The following WDR33 variants were observed in gnomAD, a reference collection of about 807,000 sequenced individuals.
WDR33 encodes the protein WD repeat domain 33.
WDR33 carries 47 observed loss-of-function variants against 164.9 expected under a neutral mutation model. The ratio of observed to expected loss-of-function variants is 0.29; its 90% confidence interval spans 0.23 to 0.36. WDR33 has a LOEUF of 0.36. Among genes scored for constraint, WDR33 ranks in the 10% least tolerant of loss-of-function variants. The pLI, the probability that WDR33 is intolerant of heterozygous loss-of-function variation, is 1.00. For synonymous variants in WDR33, 505 were observed against 589.0 expected, an observed-to-expected ratio of 0.86 and a Z score of 2.06; for missense variants, 1,137 against 1,754.1, an observed-to-expected ratio of 0.65 and a Z score of 6.28.
In WDR33 at chr2:127,701,981, A is replaced by AGCGCTGGGCGCCACGCTGTTCGCC. The variant is rs1316252166; in HGVS notation, c.*4318_*4341dup. On this transcript the variant is annotated 3_prime_UTR_variant, in exon 22 of 22. Transcript: ENST00000322313. ...CCCGGCCCGCGCTGCTCTACATGGC[A>AGCGCTGGGCGCCACGCTGTTCGCC]GCGCTGGGCGCCACGCTGTTCGCCG... 17 of 1,359,092 alleles carry AGCGCTGGGCGCCACGCTGTTCGCC rather than the reference A, an allele frequency of 1.3e-5. No homozygotes were observed. In the Admixed American group the frequency reaches 3.4e-4, roughly 27 times the overall value. 84.2% of individuals were successfully genotyped at this position (1,359,092 alleles called of 1,614,324 possible).
intron 7 of WDR33, among the ~76,000 whole-genome samples, chr2:127,750,689 T>TAA: frequency 1.6e-5 from 1 of 63,344 alleles, no homozygotes; most frequent in Non-Finnish European, 2.5e-5. Context: ...TATATATATA[T>TAA]ATATATATAT....
intron 4 of WDR33, among the ~76,000 whole-genome samples, chr2:127,767,587 C>T (rs797009285): frequency 5.9e-5 from 9 of 151,990 alleles, no homozygotes; most frequent in Non-Finnish European, 8.8e-5. Flanking sequence ...TGGTGGCAGG[C>T]GCCTGTAGTC....
chr2:127,786,553 C>G (rs1231103859), intron 1 of WDR33, among the ~76,000 whole-genome samples: 1 of 152,110 alleles, frequency 6.6e-6, no homozygotes, highest in Non-Finnish European at 1.5e-5. Context: ...CATGGTGGTG[C>G]ACACCTGTGA....
chr2:127,783,599 C>CTTTTTTTTTTTTTTTTTTTTTTT (rs35345585), intron 1 of WDR33, among the ~76,000 whole-genome samples: 2 of 84,414 alleles, frequency 2.4e-5, no homozygotes, highest in Non-Finnish European at 4.4e-5. Flanking sequence ...TTCAGGACTC[C>CTTTTTTTTTTTTTTTTTTTTTTT]TTTTTTTTTT....
At position 127,750,700 on chromosome 2, in the gene WDR33, A is replaced by C. The variant is rs185825717; in HGVS notation, c.724+12362T>G. Among the ~76,000 whole-genome samples the C allele has an allele frequency of 2.0e-3, 120 of 61,034 alleles. 2 individuals carry two copies. The highest frequency in any genetic ancestry group is 0.011 in the African/African-American group (109 of 10,298). 40.0% of individuals were successfully genotyped at this position (61,034 alleles called of 152,430 possible). On this transcript the variant is annotated intron_variant, in intron 7 of 21. Transcript: ENST00000322313. The stretch of plus-strand genomic sequence containing the variant: ...AAAATATATATATATATATATATAT[A>C]TATATATATATATGTATGTATGCAT...
intron 17 of WDR33, among the ~76,000 whole-genome samples, chr2:127,715,372 C>T (rs1686275145): frequency 6.6e-6 from 1 of 152,206 alleles, no homozygotes; most frequent in Non-Finnish European, 1.5e-5. Flanking sequence ...GCATGCGCCA[C>T]TGCACCTGGC....
chr2:127,725,231 C>G lies in WDR33; in HGVS notation c.852-16G>C. On this transcript the variant is annotated splice_polypyrimidine_tract_variant and intron_variant, in intron 8 of 21. Transcript: ENST00000322313. The stretch of plus-strand genomic sequence containing the variant: ...ATGGGCATGACTAGAAACAAAGTAT[C>G]AAAAAAAAATGTCAGAATTCAAAAC... The G allele has an allele frequency of 3.2e-6, 5 of 1,554,116 alleles. No homozygotes were observed. Among genetic ancestry groups the G allele is most frequent in the Non-Finnish European group, 4.3e-6 (5 of 1,155,056 alleles).
At chr2:127,781,364 T>C (rs1201787541) in intron 1 of WDR33, among the ~76,000 whole-genome samples, 1 of 152,160 alleles carries the variant, frequency 6.6e-6, no homozygotes, top group Admixed American at 6.6e-5. Context: ...ACTCTTGTAG[T>C]GATAAACTGT....
intron 1 of WDR33, among the ~76,000 whole-genome samples, chr2:127,774,285 C>T (rs539387233): frequency 6.6e-6 from 1 of 151,800 alleles, no homozygotes; most frequent in East Asian, 1.9e-4. Context: ...CTTCTGGCCT[C>T]GGATGATCCG....
At chr2:127,707,998 C>T (rs753476505) in intron 21 of WDR33, among the ~76,000 whole-genome samples, 1 of 152,204 alleles carries the variant, frequency 6.6e-6, no homozygotes, top group African/African-American at 2.4e-5. Flanking sequence ...ACCGTCCATA[C>T]AGACAGGCCA....
chr2:127,735,299 C>T lies in WDR33; in HGVS notation c.725-8522G>A. On this transcript the variant is annotated intron_variant, in intron 7 of 21. Transcript: ENST00000322313. This position sits in a 1 kb window ranked among gnomAD's most constrained non-coding sequence, Gnocchi z 4.3. The stretch of plus-strand genomic sequence containing the variant: ...TCACCCCTCCTCCACCTCATCAGAT[C>T]CTAAGGAACCTGTTACCCCAAGCCC... 1 of 858,768 alleles carries T rather than the reference C, an allele frequency of 1.2e-6. No individual in the cohort carries two copies. The highest frequency in any genetic ancestry group is 5.3e-5 in the South Asian group (1 of 18,744). 53.2% of individuals were successfully genotyped at this position (858,768 alleles called of 1,614,324 possible). A position where few individuals can be genotyped will look rare whatever the true frequency, so the allele number is the denominator to read the frequency against.
intron 1 of WDR33, among the ~76,000 whole-genome samples, chr2:127,777,308 C>T (rs1688218679): frequency 6.6e-6 from 1 of 152,210 alleles, no homozygotes; most frequent in African/African-American, 2.4e-5. Flanking sequence ...CTAAATATCA[C>T]TCCTAATTTC....
intron 1 of WDR33, chr2:127,798,763 A>T (rs1005142630): frequency 1.3e-5 from 2 of 152,168 alleles, no homozygotes; most frequent in African/African-American, 4.8e-5. Flanking sequence ...ACAAATATCT[A>T]AAAAAGTCGT....
chr2:127,724,245 A>G lies in WDR33; in HGVS notation c.1196+88T>C, dbSNP rs1402506244. The stretch of plus-strand genomic sequence containing the variant: ...AGAATAAGTTGGAATATAAATTACT[A>G]TATCAATCAACCAATAAAAATAAAC... On this transcript the variant is annotated intron_variant, in intron 11 of 21. Coordinates refer to ENST00000322313, the MANE Select transcript of WDR33 (RefSeq NM_018383.5). The surrounding 1 kb of genome is among the most constrained non-coding windows in gnomAD (Gnocchi z 4.8). 7 of 980,348 alleles carry G rather than the reference A, an allele frequency of 7.1e-6. No homozygotes were observed. Among genetic ancestry groups the G allele is most frequent in the East Asian group, 2.6e-5 (1 of 38,586 alleles). 60.7% of individuals were successfully genotyped at this position (980,348 alleles called of 1,614,324 possible).
Position 127,724,598 on chromosome 2 carries a change from G to T in WDR33, c.1086-155C>A, listed in dbSNP as rs1177683385. Among the ~76,000 whole-genome samples the T allele has an allele frequency of 6.6e-6, 1 of 152,210 alleles. No individual in the cohort carries two copies. Among genetic ancestry groups the T allele is most frequent in the Non-Finnish European group, 1.5e-5 (1 of 68,040 alleles). On this transcript the variant is annotated intron_variant, in intron 10 of 21. Coordinates refer to ENST00000322313, the MANE Select transcript of WDR33 (RefSeq NM_018383.5). The surrounding 1 kb of genome is among the most constrained non-coding windows in gnomAD (Gnocchi z 4.8). ...TCCACATGTCTCGGGGTATTGGCTT[G>T]TCATTGCCAAAGGACAGTTACCCTT...
chr2:127,714,100 T>G lies in WDR33; in HGVS notation c.2870-79A>C. On this transcript the variant is annotated intron_variant, in intron 17 of 21. Transcript: ENST00000322313. This position sits in a 1 kb window ranked among gnomAD's most constrained non-coding sequence, Gnocchi z 4.3. ...AGGTCTGATCTGTAGCATCTCTACA[T>G]TTCAGAATACATTCTTTATTGAGAA... 2 of 1,349,384 alleles carry G rather than the reference T, an allele frequency of 1.5e-6. No individual in the cohort carries two copies. Among genetic ancestry groups the G allele is most frequent in the Non-Finnish European group, 9.7e-7 (1 of 1,026,010 alleles). The allele number at this position is 1,349,384 out of a possible 1,614,324, so 83.6% of individuals were successfully genotyped here.
chr2:127,737,942 T>C, intron 7 of WDR33: 4 of 1,592,990 alleles, frequency 2.5e-6, no homozygotes, highest in Non-Finnish European at 3.4e-6. Flanking sequence ...GCCAGAATCT[T>C]CTTGGGTATA....
At chr2:127,806,487 G>A (rs896757725) in intron 1 of WDR33, among the ~76,000 whole-genome samples, 15 of 152,048 alleles carry the variant, frequency 9.9e-5, no homozygotes, top group Middle Eastern at 3.2e-3. Context: ...GATTACAGGC[G>A]TGAGCCACTG....
intron 1 of WDR33, among the ~76,000 whole-genome samples, chr2:127,801,522 CAA>C (rs78069448): frequency 0.038 from 5,188 of 136,632 alleles, 222 homozygotes; most frequent in East Asian, 0.17. Flanking sequence ...AAACACACAA[CAA>C]AAAAAAAAAA....
Sources: gnomAD v4.1 joint callset for allele counts (sites outside exome capture counted in the v4.1 genomes callset) on GRCh38, gnomAD v4.1.1 for gene constraint, Gnocchi (gnomAD v3.1) non-coding constraint, MANE v1.5 for transcripts, NCBI Gene and HGNC (gene_info 2026-07-23, HGNC 2026-07-21) for gene names.